ZNF600: variants seen among roughly 807,000 people sequenced by gnomAD.
ZNF600 encodes the protein zinc finger protein 600, also known as zinc finger protein KR-ZNF1.
Under a neutral mutation model 7.3 loss-of-function variants are expected in ZNF600, and 4 were observed. The observed-to-expected ratio is 0.55, with a 90% CI of 0.27 to 1.25. ZNF600 has a LOEUF of 1.25. Ranked by LOEUF, ZNF600 falls within the 50% of genes most tolerant of loss-of-function variation. ZNF600 has a pLI of 0.12. For synonymous variants in ZNF600, 290 were observed against 308.9 expected, an observed-to-expected ratio of 0.94 and a Z score of 0.64; for missense variants, 911 against 922.1, an observed-to-expected ratio of 0.99 and a Z score of 0.16.
At chr19:52,796,387 T>C in the ZNF600 span, among the ~76,000 whole-genome samples, 2 of 152,118 alleles carry the variant, frequency 1.3e-5, no homozygotes, top group South Asian at 4.1e-4. Context: ...ATAACTGGAA[T>C]TGGGGGGCTT....
Position 52,782,678 on chromosome 19 carries a change from C to T in ZNF600, c.-19-3771G>A, listed in dbSNP as rs148595374. Among the ~76,000 whole-genome samples the T allele has an allele frequency of 1.5e-3, 227 of 152,272 alleles. 2 individuals are homozygous for T. The highest frequency in any genetic ancestry group is 5.3e-3 in the African/African-American group (219 of 41,572). ...TACGAGGTCATGAATTCAAGACCAG[C>T]CTGGCCAAGATGGTGAAACCCTGTC... On this transcript the variant is annotated intron_variant, in intron 1 of 3. Transcript: ENST00000648973.
At chr19:52,812,728 T>TC in the ZNF600 span, among the ~76,000 whole-genome samples, 1 of 76,214 alleles carries the variant, frequency 1.3e-5, no homozygotes, top group Non-Finnish European at 2.4e-5. Flanking sequence ...CCCTGCCAAA[T>TC]CCCCCTCTGC....
At chr19:52,771,362 G>GTTTTTGAGACCGAA (rs112683547) in intron 3 of ZNF600, among the ~76,000 whole-genome samples, 3,410 of 140,982 alleles carry the variant, frequency 0.024, 148 homozygotes, top group African/African-American at 0.099. Context: ...TTTTTTGTCT[G>GTTTTTGAGACCGAA]TCATGCTTCA....
the ZNF600 span, among the ~76,000 whole-genome samples, chr19:52,831,893 T>A: frequency 6.6e-6 from 1 of 152,126 alleles, no homozygotes; most frequent in Non-Finnish European, 1.5e-5. Flanking sequence ...CCTCCCAAAG[T>A]GCTGGGATTA....
At chr19:52,770,293 A>C (rs1264198829) in intron 3 of ZNF600, among the ~76,000 whole-genome samples, 5 of 152,106 alleles carry the variant, frequency 3.3e-5, no homozygotes, top group African/African-American at 7.2e-5. Context: ...TACAAAAAAA[A>C]CAGCTGGGTA....
intron 3 of ZNF600, among the ~76,000 whole-genome samples, chr19:52,771,662 G>C (rs2062631375): frequency 6.6e-6 from 1 of 152,170 alleles, no homozygotes; most frequent in African/African-American, 2.4e-5. Flanking sequence ...ATTTTTACCA[G>C]AGATGGGGTT....
chr19:52,773,438 CAAT>C (rs1252324206), intron 3 of ZNF600, among the ~76,000 whole-genome samples: 3 of 152,270 alleles, frequency 2.0e-5, no homozygotes, highest in Non-Finnish European at 4.4e-5. Flanking sequence ...ATATACTCAA[CAAT>C]AATCCCCTGT....
chr19:52,775,929 C>T (rs1333031087), intron 2 of ZNF600, among the ~76,000 whole-genome samples: 2 of 151,800 alleles, frequency 1.3e-5, no homozygotes, highest in Non-Finnish European at 2.9e-5. Context: ...TTGCTTGAAA[C>T]TGGGAGGTGG....
the ZNF600 span, among the ~76,000 whole-genome samples, chr19:52,809,412 A>ATGAAATATCGAAC: frequency 3.9e-3 from 590 of 152,342 alleles, 5 homozygotes; most frequent in African/African-American, 0.014. Flanking sequence ...AACTAGCAGG[A>ATGAAATATCGAAC]TGAAATATCG....
chr19:52,781,020 A>T (rs1039115065), intron 1 of ZNF600: 1 of 152,316 alleles, frequency 6.6e-6, no homozygotes, highest in South Asian at 2.1e-4. Context: ...CTGAGGAGAC[A>T]ACTGGACACA....
the ZNF600 span, chr19:52,818,130 T>C: frequency 1.6e-6 from 2 of 1,237,616 alleles, no homozygotes; most frequent in Non-Finnish European, 2.2e-6. Flanking sequence ...TGAGGAAATA[T>C]GGTCCCCTAT....
chr19:52,785,965 A>C (rs912222060), intron 1 of ZNF600, among the ~76,000 whole-genome samples: 2 of 151,740 alleles, frequency 1.3e-5, no homozygotes, highest in East Asian at 1.9e-4. Flanking sequence ...GCAAATTCCT[A>C]ACCCATCCTC....
At chr19:52,802,928 C>T in the ZNF600 span, among the ~76,000 whole-genome samples, 1 of 150,306 alleles carries the variant, frequency 6.7e-6, no homozygotes, top group East Asian at 2.0e-4. Flanking sequence ...GTCCAGCTAA[C>T]TTTTTTGTAT....
chr19:52,828,639 T>C, the ZNF600 span, among the ~76,000 whole-genome samples: 5 of 152,210 alleles, frequency 3.3e-5, no homozygotes, highest in South Asian at 1.0e-3. Context: ...GGAAAATTGA[T>C]AAACTGGGAT....
At chr19:52,815,530 A>T in the ZNF600 span, among the ~76,000 whole-genome samples, 1 of 145,158 alleles carries the variant, frequency 6.9e-6, no homozygotes, top group Non-Finnish European at 1.5e-5. Context: ...AAAAATAAAT[A>T]AAAAAAATAA....
the ZNF600 span, among the ~76,000 whole-genome samples, chr19:52,818,728 CA>C: frequency 4.0e-5 from 6 of 151,156 alleles, no homozygotes; most frequent in East Asian, 2.0e-4. Flanking sequence ...AATACAAATA[CA>C]AAAATTAGCA....
chr19:52,812,546 T>C, the ZNF600 span, among the ~76,000 whole-genome samples: 1 of 125,418 alleles, frequency 8.0e-6, no homozygotes, highest in Admixed American at 8.0e-5. Context: ...ATGTGCTTTG[T>C]TAAACAGATG....
At chr19:52,812,174 CCA>C in the ZNF600 span, among the ~76,000 whole-genome samples, 1 of 129,134 alleles carries the variant, frequency 7.7e-6, no homozygotes, top group Admixed American at 7.4e-5. Flanking sequence ...GCCAGCCGCC[CCA>C]TCTGGGAGGT....
At chr19:52,796,150 G>A in the ZNF600 span, among the ~76,000 whole-genome samples, 1 of 152,220 alleles carries the variant, frequency 6.6e-6, no homozygotes, top group South Asian at 2.1e-4. Flanking sequence ...TTTCATGCCT[G>A]GGCAACAGAA....
Sources: allele counts gnomAD v4.1 joint callset (sites outside exome capture counted in the v4.1 genomes callset), GRCh38; gene constraint gnomAD v4.1.1; transcripts MANE v1.5; gene names NCBI Gene and HGNC (gene_info 2026-07-23, HGNC 2026-07-21).